TRAK1: variants seen among roughly 807,000 people sequenced by gnomAD.
The protein encoded by TRAK1 is trafficking kinesin-binding protein 1.
A neutral mutation model predicts 92.1 loss-of-function variants in TRAK1; 33 were observed. That is an observed-to-expected ratio of 0.36 (90% confidence interval 0.27 to 0.48). The LOEUF is 0.48. Ranked by LOEUF, TRAK1 falls within the 20% of genes least tolerant of loss-of-function variation. The pLI is 0.99. For synonymous variants in TRAK1, 521 were observed against 517.3 expected (o/e 1.01, Z -0.10); for missense variants, 1,123 against 1,257.9 (o/e 0.89, Z 1.62).
chr3:42,217,483 A>G, intron 14 of TRAK1: 1 of 985,394 alleles, frequency 1.0e-6, no homozygotes, highest in Non-Finnish European at 1.2e-6. Flanking sequence ...GCTTCTGCTG[A>G]TGCAACTACG....
At chr3:42,014,891 T>C (rs1701458211) in intron 1 of TRAK1, among the ~76,000 whole-genome samples, 1 of 152,144 alleles carries the variant, frequency 6.6e-6, no homozygotes, top group Non-Finnish European at 1.5e-5. Flanking sequence ...TGAGTGTGTA[T>C]TCGGGACTGG....
chr3:42,080,249 C>T (rs946678380), intron 1 of TRAK1, among the ~76,000 whole-genome samples: 3 of 152,102 alleles, frequency 2.0e-5, no homozygotes, highest in African/African-American at 7.2e-5. Context: ...AACAACCGTG[C>T]GTTAAGTACT....
intron 1 of TRAK1, among the ~76,000 whole-genome samples, chr3:42,078,096 G>C (rs1195275962): frequency 6.6e-6 from 1 of 152,216 alleles, no homozygotes; most frequent in East Asian, 1.9e-4. Flanking sequence ...ATCCAGGCCT[G>C]TCTGGTATGT....
At chr3:42,032,413 C>T (rs563582062) in intron 1 of TRAK1, among the ~76,000 whole-genome samples, 14 of 149,530 alleles carry the variant, frequency 9.4e-5, no homozygotes, top group African/African-American at 1.3e-4. Flanking sequence ...CGTAGCCAGG[C>T]GTGTCTTGCC....
intron 2 of TRAK1, among the ~76,000 whole-genome samples, chr3:42,158,201 TATAA>T (rs947861671): frequency 5.9e-5 from 9 of 152,212 alleles, no homozygotes; most frequent in Admixed American, 2.0e-4. Flanking sequence ...AAAAGATGAG[TATAA>T]ATAAATTTAT....
chr3:42,193,067 TG>T lies in TRAK1; in HGVS notation c.770-7del. On this transcript the variant is annotated splice_polypyrimidine_tract_variant and splice_region_variant and intron_variant, in intron 7 of 15. Transcript: ENST00000327628. ...CTTCCTCTCCTGATTGTTGCTTCTT[TG>T]TCAAAGGGGATGCCAATGTCCAGAT... 1 of 1,613,320 alleles carries T rather than the reference TG, an allele frequency of 6.2e-7. No homozygotes were observed. The highest frequency in any genetic ancestry group is 8.5e-7 in the Non-Finnish European group (1 of 1,179,732).
intron 1 of TRAK1, among the ~76,000 whole-genome samples, chr3:42,017,734 A>G (rs190900308): frequency 2.0e-3 from 299 of 152,328 alleles, no homozygotes; most frequent in Middle Eastern, 0.017. Context: ...TTATAGTGAG[A>G]AATTTATTTA....
At chr3:42,203,312 G>A (rs1312149780) in intron 13 of TRAK1, 10 of 989,660 alleles carry the variant, frequency 1.0e-5, no homozygotes, top group East Asian at 2.2e-4. Flanking sequence ...TTCTGAGCGC[G>A]GCTCCTAGAG....
At chr3:42,058,744 T>G (rs985949789) in intron 1 of TRAK1, among the ~76,000 whole-genome samples, 1 of 152,186 alleles carries the variant, frequency 6.6e-6, no homozygotes, top group African/African-American at 2.4e-5. Flanking sequence ...GGTGGCCCAT[T>G]TGAATTGTTG....
intron 1 of TRAK1, among the ~76,000 whole-genome samples, chr3:42,093,668 T>A (rs866683101): frequency 5.2e-3 from 40 of 7,666 alleles, no homozygotes; most frequent in African/African-American, 0.01. Flanking sequence ...TTCCCTTCCC[T>A]CCCCTCCCCT....
At chr3:42,081,937 G>A (rs190488241) in intron 1 of TRAK1, among the ~76,000 whole-genome samples, 128 of 152,272 alleles carry the variant, frequency 8.4e-4, no homozygotes, top group Admixed American at 3.8e-3. Flanking sequence ...TGAAAGCTTA[G>A]TTTTGTCATT....
At chr3:42,158,771 G>A (rs1361263002) in intron 2 of TRAK1, among the ~76,000 whole-genome samples, 1 of 127,994 alleles carries the variant, frequency 7.8e-6, no homozygotes, top group Admixed American at 8.5e-5. Flanking sequence ...GTGAAACCCC[G>A]TCTCCACAAA....
Position 42,142,627 on chromosome 3 carries a change from T to C in TRAK1, c.286+17013T>C, listed in dbSNP as rs143561163. On this transcript the variant is annotated intron_variant, in intron 2 of 15. Coordinates refer to ENST00000327628, the MANE Select transcript of TRAK1 (RefSeq NM_001042646.3). ...CTTAGAGACATATTTGTACACTGTT[T>C]TATAAAAGGTATTAGTGGCAGAAAC... Among the ~76,000 whole-genome samples, 461 of 152,344 alleles carry C rather than the reference T, an allele frequency of 3.0e-3. 5 individuals are homozygous for C. The highest frequency in any genetic ancestry group is 0.024 in the Admixed American group (369 of 15,308).
At chr3:42,118,928 G>T (rs1709510515) in intron 1 of TRAK1, among the ~76,000 whole-genome samples, 1 of 152,178 alleles carries the variant, frequency 6.6e-6, no homozygotes, top group Admixed American at 6.5e-5. Context: ...ACTGAGGTGG[G>T]TTTGAAAAGA....
intron 13 of TRAK1, chr3:42,203,064 G>T: frequency 8.1e-7 from 1 of 1,238,344 alleles, no homozygotes; most frequent in Non-Finnish European, 1.0e-6. Context: ...CTTTTGTGGC[G>T]GTAGAGGCAC....
chr3:42,214,430 C>T (rs1461101302), intron 14 of TRAK1, among the ~76,000 whole-genome samples: 1 of 152,210 alleles, frequency 6.6e-6, no homozygotes, highest in African/African-American at 2.4e-5. Flanking sequence ...GTATAGGGAC[C>T]AGCTTTGTTG....
chr3:42,041,573 T>A (rs1702540286), intron 1 of TRAK1, among the ~76,000 whole-genome samples: 1 of 150,388 alleles, frequency 6.6e-6, no homozygotes, highest in African/African-American at 2.5e-5. Flanking sequence ...GTAGCTTTAA[T>A]TCTTCCTCCT....
intron 14 of TRAK1, chr3:42,218,079 G>T: frequency 1.0e-6 from 1 of 985,364 alleles, no homozygotes; most frequent in African/African-American, 1.7e-5. Flanking sequence ...ACCCGAGTCA[G>T]ACCTTAAAAA....
rs117531423 is a variant in TRAK1, at chr3:42,159,454, A to T, written c.287-17360A>T. 8.5e-5 allele frequency among the ~76,000 whole-genome samples: 13 copies of T among 152,336 alleles called. No individual in the cohort carries two copies. In the East Asian group the frequency reaches 2.5e-3, roughly 29 times the overall value. On this transcript the variant is annotated intron_variant, in intron 2 of 15. Transcript: ENST00000327628. The stretch of plus-strand genomic sequence containing the variant: ...ACCTGCCGTTCTCACTGTTGCAGGC[A>T]AAATCAAATGGTATAGAGGAATTGA...
Sources: gnomAD v4.1 joint callset for allele counts (sites outside exome capture counted in the v4.1 genomes callset) on GRCh38, gnomAD v4.1.1 for gene constraint, MANE v1.5 for transcripts, NCBI Gene and HGNC (gene_info 2026-07-23, HGNC 2026-07-21) for gene names.